COX10: variants seen among roughly 807,000 people sequenced by gnomAD.
COX10 encodes the protein cytochrome c oxidase assembly factor heme A:farnesyltransferase COX10.
In COX10, 27 loss-of-function variants were observed where a neutral mutation model predicts 37.3. The observed-to-expected ratio is 0.72, with a 90% CI of 0.53 to 1.00. COX10 has a LOEUF of 1.00. Ranked by LOEUF, COX10 falls within the 50% of genes least tolerant of loss-of-function variation. The probability of loss-of-function intolerance (pLI) is 0.00; values close to 1 mark genes in which losing one functional copy is unlikely to be tolerated. For synonymous variants in COX10, 222 were observed against 229.1 expected (o/e 0.97, Z 0.28); for missense variants, 475 against 563.2 (o/e 0.84, Z 1.59).
At chr17:14,109,173 G>T (rs955729669) in intron 4 of COX10, among the ~76,000 whole-genome samples, 4 of 152,156 alleles carry the variant, frequency 2.6e-5, no homozygotes, top group African/African-American at 9.7e-5. Flanking sequence ...ACTAGATCAG[G>T]TTTGCCTAGA....
intron 2 of COX10, among the ~76,000 whole-genome samples, chr17:14,076,197 T>C (rs1382527486): frequency 7.3e-6 from 1 of 137,368 alleles, no homozygotes; most frequent in Non-Finnish European, 1.5e-5. Context: ...CTCAATCTCC[T>C]AGGCTCAAAC....
chr17:14,076,732 T>C lies in COX10; in HGVS notation c.178-3T>C. 1 of 1,614,124 alleles carries C rather than the reference T, an allele frequency of 6.2e-7. No individual in the cohort carries two copies. ...TTATAGTAATGTGTGCTTTTTTGTTTAGTATGTCACACAGCTGAACAGAAG... is the reference window on the plus strand; with the variant it reads ...TTATAGTAATGTGTGCTTTTTTGTTCAGTATGTCACACAGCTGAACAGAAG... On this transcript the variant is annotated splice_polypyrimidine_tract_variant and splice_region_variant and intron_variant, in intron 2 of 6. Transcript: ENST00000261643.
rs138526529 is a variant in COX10 at position 14,115,901 on chromosome 17, T to A, written c.624+13659T>A. On this transcript the variant is annotated intron_variant, in intron 4 of 6. Transcript: ENST00000261643. Reference sequence around the variant, plus strand: ...GACAGGGTTTGGAAAGGGTGGATGATGAGAAACTGGAACAATGTAAGTTAT... The same window carrying A: ...GACAGGGTTTGGAAAGGGTGGATGAAGAGAAACTGGAACAATGTAAGTTAT... Among the ~76,000 whole-genome samples the A allele has an allele frequency of 7.5e-3, 1,148 of 152,232 alleles. 6 individuals are homozygous for A. Among genetic ancestry groups the A allele is most frequent in the Non-Finnish European group, 0.013 (904 of 68,006 alleles).
At chr17:14,080,606 A>G (rs9902185) in intron 3 of COX10, among the ~76,000 whole-genome samples, 150,548 of 152,378 alleles carry the variant, frequency 0.99, 74,381 homozygotes, top group Middle Eastern at 1. Flanking sequence ...AAGGTTTTGT[A>G]TGCGTTTTCA....
intron 4 of COX10, among the ~76,000 whole-genome samples, chr17:14,123,554 A>G (rs1916270915): frequency 6.6e-6 from 1 of 152,218 alleles, no homozygotes; most frequent in African/African-American, 2.4e-5. Context: ...TTGTCTGATT[A>G]AAAGAAAAAG....
chr17:14,091,112 A>G (rs1056835793), intron 3 of COX10, among the ~76,000 whole-genome samples: 3 of 152,164 alleles, frequency 2.0e-5, no homozygotes, highest in Non-Finnish European at 4.4e-5. Context: ...GCAGCTGTGC[A>G]TTTATAGTTA....
chr17:14,098,476 T>C (rs888767994), intron 3 of COX10, among the ~76,000 whole-genome samples: 1 of 152,170 alleles, frequency 6.6e-6, no homozygotes, highest in East Asian at 1.9e-4. Flanking sequence ...AAAATGGCTC[T>C]TGTTCTTTAA....
chr17:14,121,883 G>C (rs899934234), intron 4 of COX10, among the ~76,000 whole-genome samples: 4 of 152,070 alleles, frequency 2.6e-5, no homozygotes, highest in Admixed American at 2.6e-4. Context: ...GATTTTAGTC[G>C]AAGAAATAAC....
Position 14,069,636 on chromosome 17 carries a change from C to T in COX10, c.31C>T (p.Arg11Cys). Residue 11 changes from arginine (R) to cysteine (C), a missense_variant, in exon 1 of 7, where the codon CGC becomes TGC. Around this residue, in one of 5 missense-constraint regions of COX10, gnomAD observed 242 missense variants for 242.5 expected, o/e 1.00. Coordinates refer to ENST00000261643, the MANE Select transcript of COX10 (RefSeq NM_001303.4). The stretch of plus-strand genomic sequence containing the variant: ...CGCATCTCCGCACACTCTCTCCTCA[C>T]GCCTCCTGACAGGTACTGTACCCGC... MAASPHTLSS[R>C]LLTGCVGGSV... 1 of 1,614,090 alleles carries T rather than the reference C, an allele frequency of 6.2e-7. No individual in the cohort carries two copies. Among genetic ancestry groups the T allele is most frequent in the Non-Finnish European group, 8.5e-7 (1 of 1,179,994 alleles).
intron 4 of COX10, among the ~76,000 whole-genome samples, chr17:14,129,924 C>T (rs951901526): frequency 3.3e-5 from 5 of 152,116 alleles, no homozygotes; most frequent in South Asian, 2.1e-4. Context: ...TCTACGGTCA[C>T]AATACTAAGA....
intron 4 of COX10, among the ~76,000 whole-genome samples, chr17:14,141,400 G>A (rs1022640775): frequency 6.6e-6 from 1 of 151,660 alleles, no homozygotes; most frequent in South Asian, 2.1e-4. Context: ...TTAGCTAGGC[G>A]TGCCTGTAGT....
rs1472420802 is a variant in COX10, at chr17:14,207,069, C to G, written c.1188C>G (p.Gly396=). The G allele has an allele frequency of 6.2e-7, 1 of 1,613,980 alleles. No homozygotes were observed. The highest frequency in any genetic ancestry group is 8.5e-7 in the Non-Finnish European group (1 of 1,179,954). ...TCAATGCGTACATCTCCTACCTCGG[C>G]TTCCGCTTCTACGTGGACGCAGACC... ...LPINAYISYL[G]FRFYVDADRR... The change falls in exon 7 of 7, where the codon GGC becomes GGG. Residue 396 remains glycine, a synonymous_variant. Transcript: ENST00000261643.
chr17:14,200,692 A>G (rs1053740898), intron 6 of COX10, among the ~76,000 whole-genome samples: 7 of 152,246 alleles, frequency 4.6e-5, no homozygotes, highest in South Asian at 2.1e-4. Flanking sequence ...AGAATTTTCT[A>G]TGTTCACAGA....
intron 3 of COX10, among the ~76,000 whole-genome samples, chr17:14,080,607 T>A (rs1373167491): frequency 6.6e-6 from 1 of 152,232 alleles, no homozygotes; most frequent in Non-Finnish European, 1.5e-5. Flanking sequence ...AGGTTTTGTA[T>A]GCGTTTTCAT....
chr17:14,134,463 T>C (rs1916534107), intron 4 of COX10, among the ~76,000 whole-genome samples: 1 of 151,830 alleles, frequency 6.6e-6, no homozygotes. Context: ...TTGTTCACAT[T>C]GGGAGATGAA....
Position 14,207,266 on chromosome 17 carries a change from G to A in COX10, c.*53G>A, listed in dbSNP as rs113030493. On this transcript the variant is annotated 3_prime_UTR_variant, in exon 7 of 7. Transcript: ENST00000261643. ...CCCTCCGCTGCCAGGCGAGCATGTT[G>A]TGGTAATTCTGGAACACAAGAAGAG... The A allele has an allele frequency of 5.4e-6, 8 of 1,491,002 alleles. No homozygotes were observed. The East Asian group carries it at 7.3e-5, about 14-fold the overall frequency. 92.4% of individuals were successfully genotyped at this position (1,491,002 alleles called of 1,614,324 possible).
chr17:14,099,443 T>C (rs910404080), intron 3 of COX10, among the ~76,000 whole-genome samples: 8 of 152,106 alleles, frequency 5.3e-5, no homozygotes, highest in African/African-American at 1.9e-4. Flanking sequence ...CTGATAAGAC[T>C]AGATTGAAGA....
chr17:14,080,219 C>CTTTTTT (rs71147840), intron 3 of COX10, among the ~76,000 whole-genome samples: 166 of 102,676 alleles, frequency 1.6e-3, no homozygotes, highest in Non-Finnish European at 2.8e-3. Context: ...ATTAGACTTT[C>CTTTTTT]TTTTTTTTTT....
chr17:14,112,176 C>G (rs1404372792), intron 4 of COX10, among the ~76,000 whole-genome samples: 1 of 152,122 alleles, frequency 6.6e-6, no homozygotes, highest in Non-Finnish European at 1.5e-5. Context: ...TAAGTAAAGT[C>G]AGGTTACATC....
Sources: allele counts gnomAD v4.1 joint callset (sites outside exome capture counted in the v4.1 genomes callset), GRCh38; gene constraint gnomAD v4.1.1; regional missense constraint gnomAD v4.1.1; transcripts MANE v1.5; gene names NCBI Gene and HGNC (gene_info 2026-07-23, HGNC 2026-07-21).